The following CCSER1 variants were observed in gnomAD, a reference collection of about 807,000 sequenced individuals.
CCSER1 encodes coiled-coil serine rich protein 1, also known as serine-rich coiled-coil domain-containing protein 1.
Under a neutral mutation model 82.0 loss-of-function variants are expected in CCSER1, and 41 were observed. The observed-to-expected ratio is 0.50, with a 90% CI of 0.39 to 0.65. CCSER1 has a LOEUF of 0.65. Among genes scored for constraint, CCSER1 ranks in the 30% least tolerant of loss-of-function variants. The probability of loss-of-function intolerance (pLI) is 0.00; values close to 1 mark genes in which losing one functional copy is unlikely to be tolerated. For missense variants in CCSER1, 1,119 were observed against 1,064.2 expected (o/e 1.05, Z -0.72); for synonymous variants, 414 against 383.9 (o/e 1.08, Z -0.92).
intron 6 of CCSER1, among the ~76,000 whole-genome samples, chr4:90,686,044 C>T (rs1274346998): frequency 6.6e-6 from 1 of 152,090 alleles, no homozygotes; most frequent in Non-Finnish European, 1.5e-5. Context: ...TGGGATCTTA[C>T]TCTTGGTGAG....
chr4:91,332,749 A>G (rs1747044067), intron 10 of CCSER1, among the ~76,000 whole-genome samples: 1 of 151,994 alleles, frequency 6.6e-6, no homozygotes, highest in African/African-American at 2.4e-5. Context: ...TATACTGCTA[A>G]TTCAGTTTAT....
chr4:91,279,139 T>G (rs1022374752), intron 10 of CCSER1, among the ~76,000 whole-genome samples: 1 of 152,134 alleles, frequency 6.6e-6, no homozygotes, highest in Non-Finnish European at 1.5e-5. Flanking sequence ...AAATCTGCTG[T>G]TAGTCTGATG....
intron 1 of CCSER1, among the ~76,000 whole-genome samples, chr4:90,192,469 C>T (rs529279937): frequency 3.9e-5 from 6 of 152,120 alleles, no homozygotes; most frequent in South Asian, 4.1e-4. Context: ...CAATATTTCA[C>T]TAGTGGTTGA....
intron 8 of CCSER1, among the ~76,000 whole-genome samples, chr4:90,823,095 T>C (rs1313623233): frequency 1.3e-5 from 2 of 152,152 alleles, no homozygotes; most frequent in African/African-American, 4.8e-5. Context: ...GTAGGAATAA[T>C]GTATGACTAT....
At chr4:90,465,469 T>G (rs1440477943) in intron 4 of CCSER1, among the ~76,000 whole-genome samples, 4 of 151,992 alleles carry the variant, frequency 2.6e-5, no homozygotes, top group Non-Finnish European at 5.9e-5. Context: ...TACAGACGTG[T>G]GCCACCATGC....
rs576917863 is a variant in CCSER1 at position 90,860,191 on chromosome 4, C to G, written c.2094+44346C>G. ...ATAACCTAGTTTTAAAATGGGCATA[C>G]CATTTGAATAGACATTTCTCACTGT... On this transcript the variant is annotated intron_variant, in intron 8 of 10. Coordinates refer to ENST00000509176, the MANE Select transcript of CCSER1 (RefSeq NM_001145065.2). 2.0e-5 allele frequency among the ~76,000 whole-genome samples: 3 copies of G among 151,590 alleles called. No homozygotes were observed. The East Asian group carries it at 5.8e-4, about 29-fold the overall frequency.
intron 4 of CCSER1, among the ~76,000 whole-genome samples, chr4:90,406,022 A>T (rs1352589684): frequency 1.3e-5 from 2 of 152,206 alleles, no homozygotes; most frequent in Non-Finnish European, 2.9e-5. Flanking sequence ...CAATATTAAC[A>T]TTGAATGTAA....
rs189393529 is a variant in CCSER1, at chr4:91,587,818, A to T, written c.2218-10754A>T. ...TCTTGAATTGGTTGTTGCCTTTACC[A>T]TTAACAATCTTTATAATCTAAGGCA... is the stretch of plus-strand genomic sequence containing the variant. On this transcript the variant is annotated intron_variant, in intron 10 of 10. Transcript: ENST00000509176. 1.1e-3 allele frequency among the ~76,000 whole-genome samples: 163 copies of T among 151,822 alleles called. 2 individuals are homozygous for T. Among genetic ancestry groups the T allele is most frequent in the Non-Finnish European group, 1.5e-3 (102 of 67,786 alleles).
chr4:90,481,878 T>C (rs1008818399), intron 5 of CCSER1, among the ~76,000 whole-genome samples: 1 of 152,182 alleles, frequency 6.6e-6, no homozygotes, highest in African/African-American at 2.4e-5. Context: ...GGATGATGGT[T>C]GCCTCATAAA....
At chr4:90,955,942 T>A (rs776223413) in intron 9 of CCSER1, among the ~76,000 whole-genome samples, 1 of 152,196 alleles carries the variant, frequency 6.6e-6, no homozygotes, top group Non-Finnish European at 1.5e-5. Flanking sequence ...ACAGATGTAA[T>A]GTTCTGCACA....
chr4:91,427,286 T>C (rs1450181936), intron 10 of CCSER1, among the ~76,000 whole-genome samples: 1 of 152,118 alleles, frequency 6.6e-6, no homozygotes, highest in Non-Finnish European at 1.5e-5. Context: ...CCACGGCCCA[T>C]CCTGCTGTCT....
At chr4:91,139,106 T>G (rs1728773814) in intron 10 of CCSER1, among the ~76,000 whole-genome samples, 1 of 152,170 alleles carries the variant, frequency 6.6e-6, no homozygotes, top group Admixed American at 6.6e-5. Context: ...AGTGTTTAGC[T>G]CCTGCTTACA....
chr4:90,809,345 C>T (rs1467717620), intron 7 of CCSER1, among the ~76,000 whole-genome samples: 3 of 151,826 alleles, frequency 2.0e-5, no homozygotes, highest in Non-Finnish European at 4.4e-5. Flanking sequence ...CACACACGCA[C>T]ACACACAGCA....
chr4:90,906,147 C>T (rs1312933522), intron 8 of CCSER1, among the ~76,000 whole-genome samples: 3 of 152,088 alleles, frequency 2.0e-5, no homozygotes, highest in South Asian at 2.1e-4. Flanking sequence ...CCTCTAGTCA[C>T]GTGTAATCTC....
intron 8 of CCSER1, among the ~76,000 whole-genome samples, chr4:90,895,333 G>A (rs1406053469): frequency 6.6e-6 from 1 of 151,824 alleles, no homozygotes; most frequent in African/African-American, 2.4e-5. Context: ...CTCTAGGTAG[G>A]CATATATTTT....
intron 9 of CCSER1, among the ~76,000 whole-genome samples, chr4:91,076,904 T>G (rs1374700387): frequency 6.6e-6 from 1 of 152,140 alleles, no homozygotes; most frequent in African/African-American, 2.4e-5. Context: ...GATCTGAGTT[T>G]AGAGAGAACA....
chr4:90,243,062 C>CTTTTTT (rs745465024), intron 1 of CCSER1, among the ~76,000 whole-genome samples: 11 of 127,016 alleles, frequency 8.7e-5, no homozygotes, highest in African/African-American at 3.4e-4. Flanking sequence ...CTCTCTCTCT[C>CTTTTTT]TTTTTTTTTT....
intron 10 of CCSER1, among the ~76,000 whole-genome samples, chr4:91,472,937 G>GTAGAT (rs2149445709): frequency 6.6e-6 from 1 of 152,280 alleles, no homozygotes; most frequent in East Asian, 1.9e-4. Flanking sequence ...GAGCAGATAG[G>GTAGAT]TAGATTACTG....
At chr4:91,182,616 G>A (rs911688301) in intron 10 of CCSER1, among the ~76,000 whole-genome samples, 8 of 152,280 alleles carry the variant, frequency 5.3e-5, no homozygotes, top group Admixed American at 2.6e-4. Context: ...TCCACATAGA[G>A]AAAAATATAG....
Sources: gnomAD v4.1 joint callset for allele counts (sites outside exome capture counted in the v4.1 genomes callset) on GRCh38, gnomAD v4.1.1 for gene constraint, MANE v1.5 for transcripts, NCBI Gene and HGNC (gene_info 2026-07-23, HGNC 2026-07-21) for gene names.